The following TMPRSS2 variants were observed in gnomAD, a reference collection of about 807,000 sequenced individuals.
TMPRSS2 encodes the protein transmembrane protease serine 2.
In TMPRSS2, 59 loss-of-function variants were observed where a neutral mutation model predicts 67.4. That is an observed-to-expected ratio of 0.88 (90% CI 0.71 to 1.09). The LOEUF (loss-of-function observed/expected upper bound fraction) is 1.09, where lower values mean the gene tolerates loss of function less well. Among genes scored for constraint, TMPRSS2 ranks in the 50% least tolerant of loss-of-function variants. TMPRSS2 has a pLI of 0.00. For synonymous variants in TMPRSS2, 257 were observed against 257.0 expected (o/e 1.00, Z 0.00); for missense variants, 668 against 642.7 (o/e 1.04, Z -0.43).
At chr21:41,502,684 G>T in intron 1 of TMPRSS2, 2 of 665,638 alleles carry the variant, frequency 3.0e-6, no homozygotes, top group Non-Finnish European at 3.7e-6. Flanking sequence ...TGGCTGTTCA[G>T]CAGAAACTTG....
In TMPRSS2 at chr21:41,471,795, G is replaced by A. The variant is rs376728899; in HGVS notation, c.1075+11C>T. 8.5e-5 allele frequency: 135 copies of A among 1,585,504 alleles called. No individual in the cohort carries two copies. In the African/African-American group the frequency reaches 1.5e-3, roughly 17 times the overall value. On this transcript the variant is annotated intron_variant, in intron 10 of 13. Transcript: ENST00000332149. Reference sequence around the variant, plus strand: ...CTGCCAACCTGCTTGCCAAGCCTGAGCCACACGTACCGTTGAAAGTCAGAG... The same window carrying A: ...CTGCCAACCTGCTTGCCAAGCCTGAACCACACGTACCGTTGAAAGTCAGAG...
intron 1 of TMPRSS2, among the ~76,000 whole-genome samples, chr21:41,500,329 T>C (rs545333396): frequency 4.1e-4 from 63 of 152,336 alleles, no homozygotes; most frequent in African/African-American, 1.4e-3. Context: ...ATAAAGCTGA[T>C]AAACATTTAA....
intron 1 of TMPRSS2, among the ~76,000 whole-genome samples, chr21:41,502,228 G>T (rs924225606): frequency 6.6e-6 from 1 of 152,168 alleles, no homozygotes; most frequent in Admixed American, 6.5e-5. Flanking sequence ...TTTTCTCCTA[G>T]TTTCTCTCCT....
chr21:41,479,909 ACT>A (rs2091243289), intron 6 of TMPRSS2, among the ~76,000 whole-genome samples: 1 of 152,136 alleles, frequency 6.6e-6, no homozygotes. Context: ...GTTAGGAATC[ACT>A]GTCAGGCGAC....
At chr21:41,497,679 A>G (rs1003030) in intron 2 of TMPRSS2, among the ~76,000 whole-genome samples, 15,236 of 152,244 alleles carry the variant, frequency 0.1, 941 homozygotes, top group East Asian at 0.29. Flanking sequence ...TTTGTCTCCA[A>G]AGGGAGTGGG....
intron 1 of TMPRSS2, among the ~76,000 whole-genome samples, chr21:41,504,293 G>T (rs1182776126): frequency 6.6e-6 from 1 of 152,058 alleles, no homozygotes; most frequent in African/African-American, 2.4e-5. Context: ...CTGCCCTCCT[G>T]CCATGGATGC....
intron 1 of TMPRSS2, among the ~76,000 whole-genome samples, chr21:41,503,266 T>C (rs539019494): frequency 6.6e-6 from 1 of 152,188 alleles, no homozygotes; most frequent in Admixed American, 6.5e-5. Context: ...TCAAGCTGAG[T>C]GCAACCTGGC....
At chr21:41,484,360 T>C (rs1426080917) in intron 5 of TMPRSS2, among the ~76,000 whole-genome samples, 2 of 152,292 alleles carry the variant, frequency 1.3e-5, no homozygotes, top group South Asian at 4.1e-4. Flanking sequence ...TGAGAAAGAC[T>C]CACAGAAAGG....
chr21:41,498,350 C>T (rs891974292), intron 1 of TMPRSS2, among the ~76,000 whole-genome samples, 161 bp from the exon 2 acceptor site: 1 of 152,228 alleles, frequency 6.6e-6, no homozygotes, highest in Admixed American at 6.5e-5. Flanking sequence ...TGCTTCCCCA[C>T]ATCCCTCCAT....
intron 13 of TMPRSS2, among the ~76,000 whole-genome samples, chr21:41,466,417 C>T (rs2091084699): frequency 6.6e-6 from 1 of 152,236 alleles, no homozygotes; most frequent in South Asian, 2.1e-4. Flanking sequence ...CCCCCGGCTG[C>T]TCTCCTGCCA....
At chr21:41,475,567 A>G (rs113839749) in intron 8 of TMPRSS2, among the ~76,000 whole-genome samples, 1,363 of 27,092 alleles carry the variant, frequency 0.05, 172 homozygotes, top group South Asian at 0.083. Flanking sequence ...GTGAGTGAGG[A>G]GGTGACGGGG....
rs140121827 is a variant in TMPRSS2 at position 41,470,727 on chromosome 21, C to A, written c.1092G>T (p.Val364=). The A allele has an allele frequency of 1.6e-5, 26 of 1,613,410 alleles. No homozygotes were observed. The highest frequency in any genetic ancestry group is 2.2e-5 in the Non-Finnish European group (26 of 1,179,964). The change falls in exon 11 of 14, where the codon GTG becomes GTT. Residue 364 remains valine (V), a synonymous_variant. Transcript: ENST00000332149. ...PLTFNDLVKP[V]CLPNPGMMLQ... is the part of the protein sequence containing the mutation. ...GCATCATGCCTGGGTTGGGCAGACA[C>A]ACTGGTTTCACTAGGTCTGTTTCAA...
chr21:41,482,711 A>G (rs34783969), intron 5 of TMPRSS2, among the ~76,000 whole-genome samples: 1 of 152,040 alleles, frequency 6.6e-6, no homozygotes, highest in Non-Finnish European at 1.5e-5. Context: ...ACATGAATGG[A>G]TAAACATTGT....
At position 41,478,788 on chromosome 21, in the gene TMPRSS2, C is replaced by T. The variant is rs145026350; in HGVS notation, c.683+384G>A. Among the ~76,000 whole-genome samples the T allele has an allele frequency of 1.3e-5, 2 of 152,282 alleles. No individual in the cohort carries two copies. Among genetic ancestry groups the T allele is most frequent in the East Asian group, 1.9e-4 (1 of 5,174 alleles). On this transcript the variant is annotated intron_variant, in intron 7 of 13. Coordinates refer to ENST00000332149, the MANE Select transcript of TMPRSS2 (RefSeq NM_005656.4). The surrounding 1 kb of genome is among the most constrained non-coding windows in gnomAD (Gnocchi z 4.0). ...AAGTCCCTGGCAAACTGGAATGAGC[C>T]GGTCACCCTGGCTGGGACACTGAGA...
At chr21:41,483,542 C>A (rs933863766) in intron 5 of TMPRSS2, among the ~76,000 whole-genome samples, 3 of 151,950 alleles carry the variant, frequency 2.0e-5, no homozygotes, top group Non-Finnish European at 2.9e-5. Flanking sequence ...CTCCGCCCCC[C>A]ACCTCGGCCT....
chr21:41,486,196 T>G (rs2091296666), intron 5 of TMPRSS2, among the ~76,000 whole-genome samples: 1 of 152,200 alleles, frequency 6.6e-6, no homozygotes, highest in African/African-American at 2.4e-5. Flanking sequence ...ATGGTTCTAG[T>G]GTAAACATGT....
rs1056556964 is a variant in TMPRSS2 at position 41,464,359 on chromosome 21, A to T, written c.*1783T>A. ...AGGAGCATGGAAACAGACTAATAGAATAATAAGAAGGAGTCATTTGAGGGA... is the reference window on the plus strand; with the variant it reads ...AGGAGCATGGAAACAGACTAATAGATTAATAAGAAGGAGTCATTTGAGGGA... On this transcript the variant is annotated 3_prime_UTR_variant, in exon 14 of 14. Coordinates refer to ENST00000332149, the MANE Select transcript of TMPRSS2 (RefSeq NM_005656.4). Among the ~76,000 whole-genome samples, 1 of 152,208 alleles carries T rather than the reference A, an allele frequency of 6.6e-6. No homozygotes were observed. The highest frequency in any genetic ancestry group is 2.1e-4 in the South Asian group (1 of 4,828).
Position 41,479,153 on chromosome 21 carries a change from A to G in TMPRSS2, c.683+19T>C, listed in dbSNP as rs1208070083. ...GTTGATTTCATTCCAAAATTTTTCA[A>G]GAAGAAATTGCTGCATACCTGTGGT... On this transcript the variant is annotated intron_variant, in intron 7 of 13. Coordinates refer to ENST00000332149, the MANE Select transcript of TMPRSS2 (RefSeq NM_005656.4). 1.3e-6 allele frequency: 2 copies of G among 1,597,034 alleles called. No homozygotes were observed. The highest frequency in any genetic ancestry group is 1.1e-5 in the South Asian group (1 of 90,288).
intron 7 of TMPRSS2, among the ~76,000 whole-genome samples, chr21:41,477,807 G>C (rs984704957): frequency 1.3e-5 from 2 of 152,042 alleles, no homozygotes; most frequent in African/African-American, 4.8e-5. Context: ...ACAGAAGCCC[G>C]ACAGAAAACA....
Sources: gnomAD v4.1 joint callset for allele counts (sites outside exome capture counted in the v4.1 genomes callset) on GRCh38, gnomAD v4.1.1 for gene constraint, Gnocchi (gnomAD v3.1) non-coding constraint, MANE v1.5 for transcripts, NCBI Gene and HGNC (gene_info 2026-07-23, HGNC 2026-07-21) for gene names.